The following PAGE4 variants were observed in gnomAD, a reference collection of about 807,000 sequenced individuals.
PAGE4 encodes the protein PAGE family member 4.
PAGE4 carries 1 observed loss-of-function variant against 8.5 expected under a neutral mutation model. The ratio of observed to expected loss-of-function variants is 0.12; its 90% confidence interval spans 0.04 to 0.56. The LOEUF is 0.56. PAGE4 is among the 20% of genes least tolerant of loss of function. PAGE4 has a pLI of 0.91. For missense variants in PAGE4, 93 were observed against 82.7 expected, an observed-to-expected ratio of 1.13 and a Z score of -0.49; for synonymous variants, 26 against 26.3, an observed-to-expected ratio of 0.99 and a Z score of 0.04.
intron 2 of PAGE4, chrX:49,830,742 A>G: frequency 6.9e-6 from 3 of 431,811 alleles, no homozygotes; most frequent in Non-Finnish European, 1.2e-5. Context: ...TATCATGCTT[A>G]TTAATAAATA....
rs781798953 is a variant in PAGE4, at chrX:49,830,411, G to A, written c.-18G>A. On this transcript the variant is annotated 5_prime_UTR_variant, in exon 2 of 5. Coordinates refer to ENST00000218068, the MANE Select transcript of PAGE4 (RefSeq NM_007003.4). ...CTTTTTATTGCAGTCTTCAGTTCACGATCTTCTAGTTGCAGCGATGAGTGC... is the reference window on the plus strand; with the variant it reads ...CTTTTTATTGCAGTCTTCAGTTCACAATCTTCTAGTTGCAGCGATGAGTGC... The A allele has an allele frequency of 3.5e-6, 4 of 1,153,655 alleles. No homozygotes were observed. In the Admixed American group the frequency reaches 9.1e-5, roughly 26 times the overall value.
intron 1 of PAGE4, chrX:49,829,665 C>A (rs1311124924): frequency 2.7e-5 from 3 of 112,986 alleles, no homozygotes; most frequent in African/African-American, 9.7e-5. Context: ...CAGCGCCTGC[C>A]TCAGTGCTCG....
intron 4 of PAGE4, among the ~76,000 whole-genome samples, chrX:49,833,321 A>G (rs138780204): frequency 1.8e-5 from 2 of 112,126 alleles, no homozygotes; most frequent in Non-Finnish European, 3.8e-5. Flanking sequence ...AAGAATCCAC[A>G]TAAAGATTTA....
chrX:49,832,435 G>A (rs1482745733), intron 3 of PAGE4, 90 bp from the exon 4 acceptor site: 3 of 576,191 alleles, frequency 5.2e-6, no homozygotes, highest in African/African-American at 4.7e-5. Context: ...CATCACATTT[G>A]TTAGAATACA....
Position 49,834,139 on chromosome X carries a change from CT to C in PAGE4, c.*281del, listed in dbSNP as rs1405880573. Among the ~76,000 whole-genome samples the C allele has an allele frequency of 6.3e-5, 7 of 111,648 alleles. No homozygotes were observed. The highest frequency in any genetic ancestry group is 2.3e-4 in the African/African-American group (7 of 30,793). Reference sequence around the variant, plus strand: ...TATTCTGTTGGTTTATCCCTACGTCCTTTTGGATTTTCTCCATACACAATCA... The same window carrying C: ...TATTCTGTTGGTTTATCCCTACGTCCTTTGGATTTTCTCCATACACAATCA... On this transcript the variant is annotated 3_prime_UTR_variant, in exon 5 of 5. Coordinates refer to ENST00000218068, the MANE Select transcript of PAGE4 (RefSeq NM_007003.4).
Position 49,833,894 on chromosome X carries a change from A to G in PAGE4, c.*32A>G, listed in dbSNP as rs1923551813. The G allele has an allele frequency of 9.1e-7, 1 of 1,102,129 alleles. No individual in the cohort carries two copies. Among genetic ancestry groups the G allele is most frequent in the African/African-American group, 1.8e-5 (1 of 55,560 alleles). 90.8% of individuals were successfully genotyped at this position (1,102,129 alleles called of 1,213,427 possible). ...AAGAAGACAAGCTGAAGCTACACAC[A>G]TGGCTGATGTCACATTGAAAATGTG... On this transcript the variant is annotated 3_prime_UTR_variant, in exon 5 of 5. Transcript: ENST00000218068.
intron 3 of PAGE4, 95 bp downstream of exon 3, chrX:49,831,179 C>T: frequency 3.6e-6 from 2 of 556,249 alleles, no homozygotes; most frequent in Non-Finnish European, 5.9e-6. Context: ...TGGCTGGAAA[C>T]CTGTAAAGTA....
chrX:49,833,925 A>C lies in PAGE4; in HGVS notation c.*63A>C. On this transcript the variant is annotated 3_prime_UTR_variant, in exon 5 of 5. Coordinates refer to ENST00000218068, the MANE Select transcript of PAGE4 (RefSeq NM_007003.4). Reference sequence around the variant, plus strand: ...GATGTCACATTGAAAATGTGACTGAAAATTTGAAAATTCTCTCAATAAAGT... The same window carrying C: ...GATGTCACATTGAAAATGTGACTGACAATTTGAAAATTCTCTCAATAAAGT... 1.1e-6 allele frequency: 1 copy of C among 879,496 alleles called. No individual in the cohort carries two copies. The highest frequency in any genetic ancestry group is 3.2e-5 in the East Asian group (1 of 31,081). The allele number at this position is 879,496 out of a possible 1,213,427, so 72.5% of individuals were successfully genotyped here.
At position 49,834,069 on chromosome X, in the gene PAGE4, T is replaced by C; in HGVS notation, c.*207T>C. 7.8e-6 allele frequency: 3 copies of C among 382,739 alleles called. No homozygotes were observed. Among genetic ancestry groups the C allele is most frequent in the Middle Eastern group, 7.2e-4 (1 of 1,382 alleles). The allele number at this position is 382,739 out of a possible 1,213,427, so 31.5% of individuals were successfully genotyped here. A position where few individuals can be genotyped will look rare whatever the true frequency, so the allele number is the denominator to read the frequency against. On this transcript the variant is annotated 3_prime_UTR_variant, in exon 5 of 5. Coordinates refer to ENST00000218068, the MANE Select transcript of PAGE4 (RefSeq NM_007003.4). ...GTGTTCTGTTTAGAGCTGGTATATA[T>C]TTTTGTATACTGATTTTGTGTTGGG... is the stretch of plus-strand genomic sequence containing the variant.
chrX:49,830,837 A>G lies in PAGE4; in HGVS notation c.79-160A>G. 4 of 462,576 alleles carry G rather than the reference A, an allele frequency of 8.6e-6. No individual in the cohort carries two copies. The South Asian group carries it at 1.4e-4, about 16-fold the overall frequency. The allele number at this position is 462,576 out of a possible 1,213,427, so 38.1% of individuals were successfully genotyped here. A position where few individuals can be genotyped will look rare whatever the true frequency, so the allele number is the denominator to read the frequency against. On this transcript the variant is annotated intron_variant, in intron 2 of 4. Coordinates refer to ENST00000218068, the MANE Select transcript of PAGE4 (RefSeq NM_007003.4). ...TTAAAGTATATTCTATATAGGAAGA[A>G]TAACTTTTCTTAAGAGTACTTACAG...
In PAGE4 at chrX:49,832,654, C is replaced by A; in HGVS notation, c.292+4C>A. ...CATGCTAAGACTAAAGAAGCAGGTA[C>A]GTTATTCATTCGGAATGGAAGTCAT... On this transcript the variant is annotated splice_donor_region_variant and intron_variant, in intron 4 of 4. Transcript: ENST00000218068. 7 of 1,192,276 alleles carry A rather than the reference C, an allele frequency of 5.9e-6. No individual in the cohort carries two copies. The highest frequency in any genetic ancestry group is 7.9e-6 in the Non-Finnish European group (7 of 885,683).
At chrX:49,830,270 G>A (rs991548303) in intron 1 of PAGE4, 129 bp from the exon 2 acceptor site, 24 of 389,312 alleles carry the variant, frequency 6.2e-5, no homozygotes, top group Non-Finnish European at 1.1e-4. Context: ...TTTATTTGAT[G>A]TGATTGGAAA....
intron 2 of PAGE4, chrX:49,830,796 C>A (rs1253842514): frequency 6.9e-6 from 3 of 435,514 alleles, no homozygotes; most frequent in African/African-American, 5.0e-5. Context: ...AATTATTGGT[C>A]CTTGCAGGTA....
Position 49,833,938 on chromosome X carries a change from C to G in PAGE4, c.*76C>G, listed in dbSNP as rs868947174. On this transcript the variant is annotated 3_prime_UTR_variant, in exon 5 of 5. Coordinates refer to ENST00000218068, the MANE Select transcript of PAGE4 (RefSeq NM_007003.4). ...AAATGTGACTGAAAATTTGAAAATT[C>G]TCTCAATAAAGTTTGAGTTTTCTCT... 1 of 794,104 alleles carries G rather than the reference C, an allele frequency of 1.3e-6. No individual in the cohort carries two copies. Among genetic ancestry groups the G allele is most frequent in the Admixed American group, 2.8e-5 (1 of 35,696 alleles). The allele number at this position is 794,104 out of a possible 1,213,427, so 65.4% of individuals were successfully genotyped here.
At chrX:49,830,332 TA>T (rs1230676670) in intron 1 of PAGE4, 66 bp from the exon 2 acceptor site, 21 of 510,983 alleles carry the variant, frequency 4.1e-5, no homozygotes, top group South Asian at 7.9e-5. Flanking sequence ...CTCACAAAAT[TA>T]AAAAAAATTA....
intron 2 of PAGE4, 171 bp from the exon 3 acceptor site, chrX:49,830,826 A>G: frequency 4.4e-6 from 2 of 457,621 alleles, no homozygotes; most frequent in Non-Finnish European, 7.6e-6. Context: ...AGTATATTCT[A>G]TATAGGAAGA....
chrX:49,830,298 T>C lies in PAGE4; in HGVS notation c.-30-101T>C, dbSNP rs148418362. 2.5e-3 allele frequency: 1,037 copies of C among 409,274 alleles called. 11 individuals are homozygous for C. Among genetic ancestry groups the C allele is most frequent in the African/African-American group, 0.024 (965 of 39,457 alleles). 33.7% of individuals were successfully genotyped at this position (409,274 alleles called of 1,213,427 possible). A position where few individuals can be genotyped will look rare whatever the true frequency, so the allele number is the denominator to read the frequency against. Reference sequence around the variant, plus strand: ...ATTGGAAACCAGGCGTAGTTATTATTAACTCAGGACCTATTATGGAAATCT... The same window carrying C: ...ATTGGAAACCAGGCGTAGTTATTATCAACTCAGGACCTATTATGGAAATCT... On this transcript the variant is annotated intron_variant, in intron 1 of 4. Transcript: ENST00000218068.
rs376908380 is a variant in PAGE4 at position 49,830,516 on chromosome X, T to C, written c.78+10T>C. ...GGTTGCATTCGTGGCTGTGAGTACA[T>C]TTCAGTATCTTATTTCCATTGGCAG... On this transcript the variant is annotated intron_variant, in intron 2 of 4. Coordinates refer to ENST00000218068, the MANE Select transcript of PAGE4 (RefSeq NM_007003.4). 6.3e-6 allele frequency: 7 copies of C among 1,106,021 alleles called. No individual in the cohort carries two copies. Among genetic ancestry groups the C allele is most frequent in the Non-Finnish European group, 8.6e-6 (7 of 809,785 alleles). The allele number at this position is 1,106,021 out of a possible 1,213,427, so 91.1% of individuals were successfully genotyped here.
chrX:49,831,395 T>C (rs183909367), intron 3 of PAGE4: 1 of 233,408 alleles, frequency 4.3e-6, no homozygotes, highest in East Asian at 9.5e-5. Context: ...TTAAACTTGG[T>C]TTTATTGGGA....
Sources: gnomAD v4.1 joint callset for allele counts (sites outside exome capture counted in the v4.1 genomes callset) on GRCh38, gnomAD v4.1.1 for gene constraint, MANE v1.5 for transcripts, NCBI Gene and HGNC (gene_info 2026-07-23, HGNC 2026-07-21) for gene names.